TAFA2: variants seen among roughly 807,000 people sequenced by gnomAD.
TAFA2 encodes TAFA chemokine like family member 2.
In TAFA2, 7 loss-of-function variants were observed where a neutral mutation model predicts 18.8. That is an observed-to-expected ratio of 0.37 (90% CI 0.21 to 0.70). TAFA2 has a LOEUF of 0.70. Among genes scored for constraint, TAFA2 ranks in the 30% least tolerant of loss-of-function variants. The pLI is 0.53. For missense variants in TAFA2, 122 were observed against 158.1 expected (o/e 0.77, Z 1.23); for synonymous variants, 60 against 54.2 (o/e 1.11, Z -0.47).
chr12:61,740,413 C>T (rs1374170129), intron 4 of TAFA2, among the ~76,000 whole-genome samples: 1 of 151,642 alleles, frequency 6.6e-6, no homozygotes, highest in Admixed American at 6.6e-5. Flanking sequence ...AGCAAACCAC[C>T]GTGGCACGTG....
intron 2 of TAFA2, among the ~76,000 whole-genome samples, chr12:61,814,480 A>G (rs1000350288): frequency 6.6e-6 from 1 of 151,324 alleles, no homozygotes; most frequent in East Asian, 1.9e-4. Context: ...TCAAGATCTG[A>G]TTCAGGTTTT....
chr12:62,253,704 A>T (rs1332881101), intron 1 of TAFA2: 1 of 152,218 alleles, frequency 6.6e-6, no homozygotes, highest in Non-Finnish European at 1.5e-5. Context: ...TCATATGATT[A>T]GATTGGACCC....
chr12:61,815,277 A>T (rs1038985599), intron 2 of TAFA2, among the ~76,000 whole-genome samples: 4 of 151,396 alleles, frequency 2.6e-5, no homozygotes, highest in African/African-American at 9.8e-5. Context: ...TGTAGAGTAA[A>T]CCAGTTTGGC....
chr12:62,167,004 T>A (rs929870245), intron 1 of TAFA2, among the ~76,000 whole-genome samples: 6 of 151,994 alleles, frequency 3.9e-5, no homozygotes, highest in Non-Finnish European at 8.8e-5. Context: ...CATGCAGCTG[T>A]AAAAAAATGA....
At chr12:61,814,271 A>C (rs1871989011) in intron 2 of TAFA2, among the ~76,000 whole-genome samples, 1 of 151,328 alleles carries the variant, frequency 6.6e-6, no homozygotes, top group Non-Finnish European at 1.5e-5. Flanking sequence ...TATTTAATCA[A>C]CATAAAGAAA....
At chr12:61,982,018 T>C (rs1879652213) in intron 1 of TAFA2, among the ~76,000 whole-genome samples, 2 of 152,138 alleles carry the variant, frequency 1.3e-5, no homozygotes, top group Non-Finnish European at 1.5e-5. Context: ...CTATTCACAA[T>C]AGCAAAGACT....
At chr12:62,018,978 G>GA (rs971503920) in intron 1 of TAFA2, among the ~76,000 whole-genome samples, 2 of 151,908 alleles carry the variant, frequency 1.3e-5, no homozygotes, top group Non-Finnish European at 2.9e-5. Flanking sequence ...AAATTTATAA[G>GA]AAAAAAACAA....
intron 1 of TAFA2, among the ~76,000 whole-genome samples, chr12:61,960,887 C>A (rs1592515464): frequency 6.6e-6 from 1 of 151,564 alleles, no homozygotes; most frequent in East Asian, 1.9e-4. Flanking sequence ...AAAAATAGAA[C>A]TTTTATTTTC....
rs114758301 is a variant in TAFA2, at chr12:61,910,893, A to T, written c.-1-43467T>A. On this transcript the variant is annotated intron_variant, in intron 1 of 4. Coordinates refer to ENST00000416284, the MANE Select transcript of TAFA2 (RefSeq NM_178539.5). The stretch of plus-strand genomic sequence containing the variant: ...TTTCTTCAAAGCTCTAACACTGCCA[A>T]TGATTTGGACAACTCTATTTTAGGA... Among the ~76,000 whole-genome samples, 466 of 152,310 alleles carry T rather than the reference A, an allele frequency of 3.1e-3. 3 individuals are homozygous for T. The highest frequency in any genetic ancestry group is 0.011 in the African/African-American group (446 of 41,560).
chr12:61,870,503 T>C (rs912083334), intron 1 of TAFA2, among the ~76,000 whole-genome samples: 9 of 152,218 alleles, frequency 5.9e-5, no homozygotes, highest in Non-Finnish European at 1.0e-4. Flanking sequence ...GATTCCCTTC[T>C]CTGTTCAGAA....
upstream of TAFA2, among the ~76,000 whole-genome samples, chr12:62,195,919 A>C (rs901338611): frequency 6.6e-6 from 1 of 152,204 alleles, no homozygotes; most frequent in Admixed American, 6.5e-5. Flanking sequence ...TCTAGCTGGG[A>C]AAGTCCCAGA....
chr12:62,010,386 G>T (rs976524996), intron 1 of TAFA2, among the ~76,000 whole-genome samples: 14 of 152,124 alleles, frequency 9.2e-5, no homozygotes, highest in South Asian at 2.1e-4. Flanking sequence ...TCCGGCTCCT[G>T]ACCTCGAGTG....
At chr12:61,787,592 A>G (rs1870791834) in intron 2 of TAFA2, among the ~76,000 whole-genome samples, 1 of 151,712 alleles carries the variant, frequency 6.6e-6, no homozygotes. Flanking sequence ...AGTCTAGAGT[A>G]CTTTTCTGTG....
chr12:61,722,685 C>T (rs1274121312), intron 4 of TAFA2, among the ~76,000 whole-genome samples: 1 of 152,074 alleles, frequency 6.6e-6, no homozygotes, highest in Admixed American at 6.6e-5. Flanking sequence ...TTAAAAATTT[C>T]ATATATACCC....
At chr12:62,046,558 T>G (rs1050240985) in intron 1 of TAFA2, among the ~76,000 whole-genome samples, 1 of 152,136 alleles carries the variant, frequency 6.6e-6, no homozygotes, top group Non-Finnish European at 1.5e-5. Flanking sequence ...TGATTTTGGC[T>G]GTCTACACAG....
chr12:61,757,917 T>C (rs10877737), intron 2 of TAFA2, among the ~76,000 whole-genome samples: 56,766 of 151,880 alleles, frequency 0.37, 10,815 homozygotes, highest in African/African-American at 0.46. Context: ...CTAAGTTCCT[T>C]CTAGTAACTA....
intron 2 of TAFA2, among the ~76,000 whole-genome samples, chr12:61,799,521 A>G (rs1871319139): frequency 6.6e-6 from 1 of 152,158 alleles, no homozygotes; most frequent in Non-Finnish European, 1.5e-5. Context: ...ATTCATATAT[A>G]CATTTAAAGG....
At chr12:61,820,451 T>C (rs1267500751) in intron 2 of TAFA2, among the ~76,000 whole-genome samples, 1 of 151,892 alleles carries the variant, frequency 6.6e-6, no homozygotes, top group Non-Finnish European at 1.5e-5. Context: ...TAACTATCTA[T>C]CTGCCTCACT....
chr12:62,209,901 T>TA (rs2062706604), intron 1 of TAFA2, among the ~76,000 whole-genome samples: 1 of 152,152 alleles, frequency 6.6e-6, no homozygotes, highest in Non-Finnish European at 1.5e-5. Flanking sequence ...GCAATTAAGT[T>TA]AAAAAATAAG....
Sources: gnomAD v4.1 joint callset for allele counts (sites outside exome capture counted in the v4.1 genomes callset) on GRCh38, gnomAD v4.1.1 for gene constraint, MANE v1.5 for transcripts, NCBI Gene and HGNC (gene_info 2026-07-23, HGNC 2026-07-21) for gene names.